The following TNFRSF8 variants were observed in gnomAD, a reference collection of about 807,000 sequenced individuals.
TNFRSF8 encodes TNF receptor superfamily member 8.
A neutral mutation model predicts 70.8 loss-of-function variants in TNFRSF8; 26 were observed. The observed-to-expected ratio is 0.37, with a 90% CI of 0.27 to 0.51. The LOEUF (loss-of-function observed/expected upper bound fraction) is 0.51, where lower values mean the gene tolerates loss of function less well. Ranked by LOEUF, TNFRSF8 falls within the 20% of genes least tolerant of loss-of-function variation. The probability of loss-of-function intolerance (pLI) is 0.94; values close to 1 mark genes in which losing one functional copy is unlikely to be tolerated. For missense variants in TNFRSF8, 720 were observed against 807.9 expected, an observed-to-expected ratio of 0.89 and a Z score of 1.32; for synonymous variants, 356 against 339.2, an observed-to-expected ratio of 1.05 and a Z score of -0.54.
At chr1:12,096,903 C>A (rs1384342178) in intron 2 of TNFRSF8, among the ~76,000 whole-genome samples, 198 bp from the exon 3 acceptor site, 1 of 152,208 alleles carries the variant, frequency 6.6e-6, no homozygotes, top group South Asian at 2.1e-4. Context: ...CTTTTCCTTG[C>A]CTGCTAGGGG....
At chr1:12,087,114 CATCCATCCATCCATCA>C (rs1292345005) in intron 2 of TNFRSF8, among the ~76,000 whole-genome samples, 1 of 145,408 alleles carries the variant, frequency 6.9e-6, no homozygotes, top group African/African-American at 2.5e-5. Context: ...TCCATCCATC[CATCCATCCATCCATCA>C]TCCATCCAAC....
Position 12,138,435 on chromosome 1 carries a change from T to C in TNFRSF8, c.1542T>C (p.Ile514=). 1.9e-6 allele frequency: 3 copies of C among 1,608,598 alleles called. No individual in the cohort carries two copies. The highest frequency in any genetic ancestry group is 2.6e-6 in the Non-Finnish European group (3 of 1,176,194). ...RVSTEHTNNK[I]EKIYIMKADT... ...CCACGGAGCACACCAATAACAAGAT[T>C]GGTGAGTCAGCCTGTTTTGGGAGGT... Residue 514 remains isoleucine (I), a splice_region_variant and synonymous_variant, in exon 14 of 15, where the codon ATT becomes ATC. Coordinates refer to ENST00000263932, the MANE Select transcript of TNFRSF8 (RefSeq NM_001243.5). The surrounding 1 kb of genome is among the most constrained non-coding windows in gnomAD (Gnocchi z 5.7).
At position 12,111,977 on chromosome 1, in the gene TNFRSF8, G is replaced by C; in HGVS notation, c.756G>C (p.Glu252Asp). Residue 252 changes from glutamate (E) to aspartate (D), a missense_variant, in exon 7 of 15, where the codon GAG (glutamate) becomes GAC (aspartate). Glu to Asp is a conservative substitution (Grantham distance 45). Coordinates refer to ENST00000263932, the MANE Select transcript of TNFRSF8 (RefSeq NM_001243.5). ...KQCEPDYYLD[E>D]AGRCTACVSC... ...GTGAGCCCGACTACTACCTGGACGA[G>C]GCCGGCCGCTGCACGGCCTGCGTGA... The C allele has an allele frequency of 6.2e-7, 1 of 1,614,234 alleles. No individual in the cohort carries two copies. Among genetic ancestry groups the C allele is most frequent in the Non-Finnish European group, 8.5e-7 (1 of 1,180,034 alleles).
At chr1:12,107,543 A>C (rs1423345378) in intron 4 of TNFRSF8, among the ~76,000 whole-genome samples, 1 of 147,474 alleles carries the variant, frequency 6.8e-6, no homozygotes, top group African/African-American at 2.6e-5. Flanking sequence ...CAAACATGGT[A>C]ATATTTTAGA....
At chr1:12,131,787 C>A (rs998170874) in intron 12 of TNFRSF8, among the ~76,000 whole-genome samples, 1 of 152,008 alleles carries the variant, frequency 6.6e-6, no homozygotes, top group African/African-American at 2.4e-5. Context: ...AGCCACTGTG[C>A]CCAGCTAGTC....
intron 1 of TNFRSF8, among the ~76,000 whole-genome samples, chr1:12,071,167 G>T (rs867835657): frequency 1.3e-5 from 2 of 152,180 alleles, no homozygotes; most frequent in Non-Finnish European, 2.9e-5. Context: ...GTGGTCAAAA[G>T]TCTATGACAA....
chr1:12,111,298 C>T (rs913974133), intron 6 of TNFRSF8, among the ~76,000 whole-genome samples: 1 of 152,160 alleles, frequency 6.6e-6, no homozygotes, highest in Non-Finnish European at 1.5e-5. Flanking sequence ...TCTCCTGCCT[C>T]AGCCTCCCGA....
At chr1:12,075,661 A>G (rs551942207) in intron 1 of TNFRSF8, among the ~76,000 whole-genome samples, 1 of 152,328 alleles carries the variant, frequency 6.6e-6, no homozygotes, top group Non-Finnish European at 1.5e-5. Flanking sequence ...GTATATGAGC[A>G]CATATGTGAA....
chr1:12,103,328 C>A (rs934922861), intron 3 of TNFRSF8, among the ~76,000 whole-genome samples: 3 of 151,908 alleles, frequency 2.0e-5, no homozygotes, highest in Non-Finnish European at 4.4e-5. Context: ...GCACTCCAAC[C>A]TGGGTGACAG....
intron 1 of TNFRSF8, among the ~76,000 whole-genome samples, chr1:12,069,816 A>C (rs574603441): frequency 6.6e-6 from 1 of 152,312 alleles, no homozygotes; most frequent in South Asian, 2.1e-4. Context: ...CAATGAGAGG[A>C]TTAGAATCCT....
At chr1:12,128,485 A>T (rs1173505150) in intron 12 of TNFRSF8, among the ~76,000 whole-genome samples, 2 of 151,416 alleles carry the variant, frequency 1.3e-5, no homozygotes, top group African/African-American at 4.9e-5. Flanking sequence ...GATCTCATCC[A>T]CTCCTCCGGT....
intron 1 of TNFRSF8, among the ~76,000 whole-genome samples, chr1:12,068,011 G>C (rs1424615822): frequency 6.6e-6 from 1 of 152,098 alleles, no homozygotes; most frequent in Non-Finnish European, 1.5e-5. Context: ...GGGTCAGGGA[G>C]TCGTGTTACT....
At chr1:12,128,957 C>T (rs1485228494) in intron 12 of TNFRSF8, among the ~76,000 whole-genome samples, 4 of 151,534 alleles carry the variant, frequency 2.6e-5, no homozygotes, top group Non-Finnish European at 2.9e-5. Context: ...GCCTCAGCCT[C>T]CTGAGTAGCT....
intron 3 of TNFRSF8, 138 bp from the exon 4 acceptor site, chr1:12,104,241 A>G: frequency 1.3e-6 from 1 of 799,136 alleles, no homozygotes; most frequent in Non-Finnish European, 2.0e-6. Flanking sequence ...ATCCAATTTT[A>G]GTGGTCACCA....
At chr1:12,101,426 C>CAAA (rs112614202) in intron 3 of TNFRSF8, among the ~76,000 whole-genome samples, 3,831 of 142,226 alleles carry the variant, frequency 0.027, 152 homozygotes, top group African/African-American at 0.084. Flanking sequence ...GACCCTGTTT[C>CAAA]AAAAAAAAAA....
chr1:12,064,090 C>G (rs11569787), intron 1 of TNFRSF8, among the ~76,000 whole-genome samples: 2,027 of 152,220 alleles, frequency 0.013, 43 homozygotes, highest in African/African-American at 0.045. Context: ...TGCGCGGTCC[C>G]GTTTGCCCCC....
intron 1 of TNFRSF8, among the ~76,000 whole-genome samples, chr1:12,081,671 A>G (rs1569995176): frequency 6.7e-6 from 1 of 150,008 alleles, no homozygotes; most frequent in East Asian, 1.9e-4. Flanking sequence ...AAAAAAAAAG[A>G]ATGATGTAAC....
At chr1:12,067,205 G>A (rs77390684) in intron 1 of TNFRSF8, among the ~76,000 whole-genome samples, 5 of 152,096 alleles carry the variant, frequency 3.3e-5, no homozygotes, top group Non-Finnish European at 7.4e-5. Flanking sequence ...GTGGGGTTGC[G>A]GGGCGGGGGA....
In TNFRSF8 at chr1:12,138,235, A is replaced by T; in HGVS notation, c.1342A>T (p.Arg448Trp). 2 of 1,613,414 alleles carry T rather than the reference A, an allele frequency of 1.2e-6. No individual in the cohort carries two copies. The highest frequency in any genetic ancestry group is 2.7e-5 in the African/African-American group (2 of 74,986). Residue 448 changes from arginine to tryptophan, a missense_variant, in exon 14 of 15, where the codon AGG becomes TGG. By Grantham distance (101) the Arg-to-Trp change is moderately radical. Transcript: ENST00000263932. This position sits in a 1 kb window ranked among gnomAD's most constrained non-coding sequence, Gnocchi z 5.7. Reference protein sequence around the residue: ...SRPRRSSTQLRSGASVTEPVA... With the variant: ...SRPRRSSTQLWSGASVTEPVA... The stretch of plus-strand genomic sequence containing the variant: ...ACCCATTCCCGTCCCACAGCAGCTG[A>T]GGAGTGGTGCGTCGGTGACAGAACC...
Sources: allele counts gnomAD v4.1 joint callset (sites outside exome capture counted in the v4.1 genomes callset), GRCh38; gene constraint gnomAD v4.1.1; non-coding constraint Gnocchi (gnomAD v3.1); transcripts MANE v1.5; gene names NCBI Gene and HGNC (gene_info 2026-07-23, HGNC 2026-07-21).